The following IQGAP1 variants were observed in gnomAD, a reference collection of about 807,000 sequenced individuals.
IQGAP1 encodes IQ motif containing GTPase activating protein 1.
In IQGAP1, 66 loss-of-function variants were observed where a neutral mutation model predicts 215.6. That is an observed-to-expected ratio of 0.31 (90% confidence interval 0.25 to 0.38). IQGAP1 has a LOEUF of 0.38. Among genes scored for constraint, IQGAP1 ranks in the 10% least tolerant of loss-of-function variants. The pLI is 1.00. For missense variants in IQGAP1, 1,712 were observed against 1,997.1 expected (o/e 0.86, Z 2.72); for synonymous variants, 772 against 728.7 (o/e 1.06, Z -0.96).
At chr15:90,422,676 A>ATGTATATGTATATG (rs1356822105) in intron 2 of IQGAP1, among the ~76,000 whole-genome samples, 11 of 126,150 alleles carry the variant, frequency 8.7e-5, no homozygotes, top group African/African-American at 1.7e-4. Context: ...ATATATATAT[A>ATGTATATGTATATG]TATAATTTTT....
chr15:90,442,371 T>A (rs1186411189), intron 8 of IQGAP1, among the ~76,000 whole-genome samples: 1 of 151,242 alleles, frequency 6.6e-6, no homozygotes, highest in Non-Finnish European at 1.5e-5. Context: ...CAGCAGAATC[T>A]ATTGAACCTG....
chr15:90,392,979 A>G lies in IQGAP1; in HGVS notation c.155+2106A>G, dbSNP rs1039884033. On this transcript the variant is annotated intron_variant, in intron 2 of 37. Coordinates refer to ENST00000268182, the MANE Select transcript of IQGAP1 (RefSeq NM_003870.4). ...AGGCTGGTCTCAAACTCCTGACCTCAGGTGATCCGCCCGTCTCAGCCTCCC... is the reference window on the plus strand; with the variant it reads ...AGGCTGGTCTCAAACTCCTGACCTCGGGTGATCCGCCCGTCTCAGCCTCCC... 2.6e-5 allele frequency among the ~76,000 whole-genome samples: 4 copies of G among 151,942 alleles called. No individual in the cohort carries two copies. In the East Asian group the frequency reaches 7.7e-4, roughly 29 times the overall value.
At chr15:90,422,660 G>GTA (rs371022759) in intron 2 of IQGAP1, among the ~76,000 whole-genome samples, 1,131 of 85,642 alleles carry the variant, frequency 0.013, 27 homozygotes, top group East Asian at 0.072. Context: ...ATATATATAT[G>GTA]TATATATATA....
intron 15 of IQGAP1, among the ~76,000 whole-genome samples, chr15:90,460,966 T>C (rs1364313269): frequency 7.7e-6 from 1 of 130,222 alleles, no homozygotes; most frequent in Non-Finnish European, 1.5e-5. Flanking sequence ...ACCACTGCAC[T>C]CCAGCCTGAG....
chr15:90,464,678 G>A (rs1404936116), intron 15 of IQGAP1, among the ~76,000 whole-genome samples: 3 of 151,846 alleles, frequency 2.0e-5, no homozygotes, highest in Admixed American at 2.0e-4. Flanking sequence ...GTGAAACCCC[G>A]TCTCTACTAA....
At chr15:90,493,070 C>G (rs1287134819) in intron 35 of IQGAP1, among the ~76,000 whole-genome samples, 3 of 152,034 alleles carry the variant, frequency 2.0e-5, no homozygotes, top group Non-Finnish European at 4.4e-5. Flanking sequence ...TGGTGATACC[C>G]CATCTCTACT....
chr15:90,470,941 T>C (rs1965895923), intron 18 of IQGAP1, among the ~76,000 whole-genome samples: 1 of 152,080 alleles, frequency 6.6e-6, no homozygotes, highest in Admixed American at 6.6e-5. Flanking sequence ...GCTTGAATTA[T>C]ACAAAGAGTC....
In IQGAP1 at chr15:90,500,136, A is replaced by T; in HGVS notation, c.*28A>T. ...GATCGTTTGCTGCCAGCCCAGAAGG[A>T]TGAAGGAAAGAAGCACCTCACAGCT... On this transcript the variant is annotated 3_prime_UTR_variant, in exon 38 of 38. Coordinates refer to ENST00000268182, the MANE Select transcript of IQGAP1 (RefSeq NM_003870.4). 1 of 1,339,932 alleles carries T rather than the reference A, an allele frequency of 7.5e-7. No homozygotes were observed. Among genetic ancestry groups the T allele is most frequent in the Non-Finnish European group, 1.1e-6 (1 of 931,076 alleles). The allele number at this position is 1,339,932 out of a possible 1,614,324, so 83.0% of individuals were successfully genotyped here.
intron 2 of IQGAP1, among the ~76,000 whole-genome samples, chr15:90,420,153 C>G (rs761347017): frequency 3.5e-4 from 54 of 152,268 alleles, no homozygotes; most frequent in Non-Finnish European, 6.0e-4. Flanking sequence ...AGGAAAGGCA[C>G]AAATATTTTT....
chr15:90,497,493 A>T (rs2301832), intron 37 of IQGAP1, among the ~76,000 whole-genome samples, 153 bp downstream of exon 37: 64,356 of 152,046 alleles, frequency 0.42, 15,470 homozygotes, highest in Non-Finnish European at 0.55. Flanking sequence ...TGAGGGTTTC[A>T]GCATGTCTGG....
chr15:90,401,878 T>C (rs1964809668), intron 2 of IQGAP1, among the ~76,000 whole-genome samples: 1 of 152,182 alleles, frequency 6.6e-6, no homozygotes, highest in Admixed American at 6.5e-5. Flanking sequence ...ATTTACATAT[T>C]ACATTATTGT....
chr15:90,489,821 T>C (rs1283301069), intron 33 of IQGAP1, among the ~76,000 whole-genome samples: 2 of 152,238 alleles, frequency 1.3e-5, no homozygotes, highest in Non-Finnish European at 2.9e-5. Context: ...AGCCAGTCTT[T>C]ATTGAGAACC....
intron 2 of IQGAP1, among the ~76,000 whole-genome samples, chr15:90,410,843 TA>T (rs58903853): frequency 0.39 from 49,832 of 126,424 alleles, 8,581 homozygotes; most frequent in African/African-American, 0.47. Context: ...TAAAGTATAA[TA>T]AAAAAAAAAA....
In IQGAP1 at chr15:90,474,481, T is replaced by G. The variant is rs774062202; in HGVS notation, c.2576-4T>G. The stretch of plus-strand genomic sequence containing the variant: ...TCCATTCTTTGATGCATACTTTCTG[T>G]CAGTCAATGCTGAGGATCCTCCTAT... On this transcript the variant is annotated splice_polypyrimidine_tract_variant and splice_region_variant and intron_variant, in intron 22 of 37. Transcript: ENST00000268182. 1.9e-6 allele frequency: 3 copies of G among 1,611,434 alleles called. No homozygotes were observed. The highest frequency in any genetic ancestry group is 2.5e-6 in the Non-Finnish European group (3 of 1,177,666).
chr15:90,393,229 C>T (rs1202922207), intron 2 of IQGAP1, among the ~76,000 whole-genome samples: 1 of 152,040 alleles, frequency 6.6e-6, no homozygotes, highest in Non-Finnish European at 1.5e-5. Context: ...TTCCAGGACA[C>T]CTGCAGATAT....
At chr15:90,459,978 A>G (rs753797882) in intron 15 of IQGAP1, among the ~76,000 whole-genome samples, 9 of 152,184 alleles carry the variant, frequency 5.9e-5, no homozygotes, top group Non-Finnish European at 8.8e-5. Context: ...AACATTTGTT[A>G]CAAGTCACCA....
At chr15:90,478,080 C>T (rs902124391) in intron 26 of IQGAP1, among the ~76,000 whole-genome samples, 191 bp downstream of exon 26, 3 of 152,140 alleles carry the variant, frequency 2.0e-5, no homozygotes, top group Non-Finnish European at 4.4e-5. Flanking sequence ...CAGCCTCCAC[C>T]TCCCAGGTCT....
chr15:90,483,559 A>C lies in IQGAP1; in HGVS notation c.3754A>C (p.Asn1252His). The change falls in exon 29 of 38, where the codon AAT becomes CAT. Residue 1252 changes from asparagine to histidine, a missense_variant. Around this residue, in one of 2 missense-constraint regions of IQGAP1, gnomAD observed 691 missense variants for 923.0 expected, o/e 0.75. Coordinates refer to ENST00000268182, the MANE Select transcript of IQGAP1 (RefSeq NM_003870.4). ...LGDNAHLSII[N>H]EYLSQSYQKF... The stretch of plus-strand genomic sequence containing the variant: ...AGATAATGCCCACTTAAGCATCATT[A>C]ATGAATATCTTTCCCAGTCCTACCA... 1 of 1,613,608 alleles carries C rather than the reference A, an allele frequency of 6.2e-7. No individual in the cohort carries two copies. The highest frequency in any genetic ancestry group is 8.5e-7 in the Non-Finnish European group (1 of 1,179,850).
In IQGAP1 at chr15:90,448,621, C is replaced by T. The variant is rs1303390042; in HGVS notation, c.962C>T (p.Ala321Val). ...GACCTGGCTTTAGAACAAGGAGATGCACTGGCCTTGTTCAGGGCTCTGCAG... is the reference window on the plus strand; with the variant it reads ...GACCTGGCTTTAGAACAAGGAGATGTACTGGCCTTGTTCAGGGCTCTGCAG... ...NIDLALEQGD[A>V]LALFRALQSP... Residue 321 changes from alanine to valine, a missense_variant, in exon 10 of 38, where the codon GCA (alanine) becomes GTA (valine). Ala to Val is a moderately conservative substitution (Grantham distance 64). Transcript: ENST00000268182. The T allele has an allele frequency of 3.1e-6, 5 of 1,607,522 alleles. No homozygotes were observed. Among genetic ancestry groups the T allele is most frequent in the East Asian group, 2.2e-5 (1 of 44,482 alleles).
Sources: allele counts gnomAD v4.1 joint callset (sites outside exome capture counted in the v4.1 genomes callset), GRCh38; gene constraint gnomAD v4.1.1; regional missense constraint gnomAD v4.1.1; transcripts MANE v1.5; gene names NCBI Gene and HGNC (gene_info 2026-07-23, HGNC 2026-07-21).